RORB: variants seen among roughly 807,000 people sequenced by gnomAD.
RORB encodes the protein nuclear receptor ROR-beta.
RORB carries 6 observed loss-of-function variants against 59.1 expected under a neutral mutation model. The observed-to-expected ratio is 0.10, with a 90% CI of 0.06 to 0.20. RORB has a LOEUF of 0.20. RORB is among the 10% of genes least tolerant of loss of function. The pLI, the probability that RORB is intolerant of heterozygous loss-of-function variation, is 1.00. For missense variants in RORB, 320 were observed against 560.5 expected, an observed-to-expected ratio of 0.57 and a Z score of 4.33; for synonymous variants, 215 against 204.5, an observed-to-expected ratio of 1.05 and a Z score of -0.44.
chr9:74,501,341 G>T (rs1825801548), intron 1 of RORB, among the ~76,000 whole-genome samples: 1 of 152,164 alleles, frequency 6.6e-6, no homozygotes, highest in African/African-American at 2.4e-5. Flanking sequence ...GCTCTCAGAG[G>T]TATGGCAGCC....
At chr9:74,676,495 C>T (rs1824443677) in intron 9 of RORB, among the ~76,000 whole-genome samples, 1 of 152,254 alleles carries the variant, frequency 6.6e-6, no homozygotes, top group African/African-American at 2.4e-5. Flanking sequence ...ACAACTAACA[C>T]TCAGCGAGTA....
At chr9:74,642,134 G>A (rs1823817693) in intron 3 of RORB, among the ~76,000 whole-genome samples, 1 of 152,110 alleles carries the variant, frequency 6.6e-6, no homozygotes, top group South Asian at 2.1e-4. Context: ...AGGAAAACAT[G>A]CTTTCTAACT....
intron 1 of RORB, among the ~76,000 whole-genome samples, chr9:74,578,135 T>G (rs1822665343): frequency 6.6e-6 from 1 of 152,022 alleles, no homozygotes; most frequent in Non-Finnish European, 1.5e-5. Flanking sequence ...GCCTCCTTAT[T>G]GGGCATTTTT....
chr9:74,655,368 A>T (rs2118497787), intron 4 of RORB, among the ~76,000 whole-genome samples: 1 of 152,338 alleles, frequency 6.6e-6, no homozygotes, highest in African/African-American at 2.4e-5. Flanking sequence ...CTATTCCAGC[A>T]CAGAGCATAC....
At chr9:74,664,701 A>G (rs1340088298) in intron 6 of RORB, among the ~76,000 whole-genome samples, 1 of 152,244 alleles carries the variant, frequency 6.6e-6, no homozygotes, top group Non-Finnish European at 1.5e-5. Context: ...ACATATGTAC[A>G]GCAAAGGAAA....
At chr9:74,610,029 C>A (rs986110972) in intron 1 of RORB, among the ~76,000 whole-genome samples, 3 of 152,214 alleles carry the variant, frequency 2.0e-5, no homozygotes, top group Non-Finnish European at 4.4e-5. Flanking sequence ...TTTCTCTGTA[C>A]TTCTGTACTA....
At chr9:74,557,354 C>A (rs1371389764) in intron 1 of RORB, among the ~76,000 whole-genome samples, 1 of 152,148 alleles carries the variant, frequency 6.6e-6, no homozygotes, top group East Asian at 1.9e-4. Flanking sequence ...TTGCTGCTGG[C>A]AAACATCTGG....
chr9:74,567,241 G>T (rs534460181), intron 1 of RORB, among the ~76,000 whole-genome samples: 43 of 152,188 alleles, frequency 2.8e-4, no homozygotes, highest in African/African-American at 1.0e-3. Context: ...TGCCCAGGCT[G>T]GTCTTGAACT....
chr9:74,627,629 T>A (rs937644017), intron 1 of RORB, among the ~76,000 whole-genome samples: 24 of 152,160 alleles, frequency 1.6e-4, no homozygotes, highest in African/African-American at 5.6e-4. Context: ...ATTAAGAACT[T>A]ATAGAAGCAG....
chr9:74,554,595 A>G (rs1826665135), intron 1 of RORB, among the ~76,000 whole-genome samples: 1 of 152,124 alleles, frequency 6.6e-6, no homozygotes, highest in African/African-American at 2.4e-5. Flanking sequence ...AAAAGAATAG[A>G]AGGTCACTAT....
Position 74,607,405 on chromosome 9 carries a change from A to G in RORB, c.8-22877A>G, listed in dbSNP as rs1320778125. On this transcript the variant is annotated intron_variant, in intron 1 of 9. Coordinates refer to ENST00000376896, the MANE Select transcript of RORB (RefSeq NM_006914.4). ...GTAACGGTGAGGCTTGCCACTTTAC[A>G]TAAGCCTAAGTGTCCAGATGAAAGC... Among the ~76,000 whole-genome samples the G allele has an allele frequency of 2.0e-5, 3 of 152,320 alleles. No homozygotes were observed. The East Asian group carries it at 5.8e-4, about 29-fold the overall frequency.
chr9:74,514,269 A>T (rs1456267977), intron 1 of RORB, among the ~76,000 whole-genome samples: 2 of 152,110 alleles, frequency 1.3e-5, no homozygotes, highest in Admixed American at 1.3e-4. Flanking sequence ...GAGACACTTC[A>T]GTACATTCCA....
At chr9:74,582,492 G>T (rs548713569) in intron 1 of RORB, among the ~76,000 whole-genome samples, 1 of 152,208 alleles carries the variant, frequency 6.6e-6, no homozygotes, top group Non-Finnish European at 1.5e-5. Flanking sequence ...GAACCTTACA[G>T]AGGTTACAAA....
chr9:74,514,253 C>T (rs1825980037), intron 1 of RORB, among the ~76,000 whole-genome samples: 1 of 152,072 alleles, frequency 6.6e-6, no homozygotes, highest in South Asian at 2.1e-4. Context: ...CAGTATCCTC[C>T]TCAAAGAGAC....
At chr9:74,657,081 C>G (rs1201699880) in intron 4 of RORB, among the ~76,000 whole-genome samples, 1 of 152,168 alleles carries the variant, frequency 6.6e-6, no homozygotes, top group Non-Finnish European at 1.5e-5. Context: ...GAGTCACGCT[C>G]TGTCACCAGG....
chr9:74,517,139 A>G (rs1205250389), intron 1 of RORB, among the ~76,000 whole-genome samples: 1 of 151,974 alleles, frequency 6.6e-6, no homozygotes, highest in Non-Finnish European at 1.5e-5. Flanking sequence ...AAAACTCAAA[A>G]TTTCATCTGA....
intron 1 of RORB, among the ~76,000 whole-genome samples, chr9:74,583,540 T>C (rs1822755609): frequency 6.6e-6 from 1 of 151,950 alleles, no homozygotes; most frequent in Non-Finnish European, 1.5e-5. Flanking sequence ...CCAAATTAGG[T>C]TACTAATTCT....
intron 1 of RORB, among the ~76,000 whole-genome samples, chr9:74,608,518 C>T (rs1261850459): frequency 6.7e-6 from 1 of 148,874 alleles, no homozygotes; most frequent in Admixed American, 6.7e-5. Context: ...GAGCCGAGAT[C>T]GCGCCACTGC....
At position 74,627,369 on chromosome 9, in the gene RORB, A is replaced by G. The variant is rs559888359; in HGVS notation, c.8-2913A>G. On this transcript the variant is annotated intron_variant, in intron 1 of 9. Coordinates refer to ENST00000376896, the MANE Select transcript of RORB (RefSeq NM_006914.4). ...CCCCTTTCCACACACAGCTATACAC[A>G]TATACCATTTTAAGTGACTTATTTC... Among the ~76,000 whole-genome samples the G allele has an allele frequency of 7.2e-5, 11 of 152,174 alleles. No homozygotes were observed. In the South Asian group the frequency reaches 2.3e-3, roughly 32 times the overall value.
Sources: gnomAD v4.1 joint callset for allele counts (sites outside exome capture counted in the v4.1 genomes callset) on GRCh38, gnomAD v4.1.1 for gene constraint, MANE v1.5 for transcripts, NCBI Gene and HGNC (gene_info 2026-07-23, HGNC 2026-07-21) for gene names.